The following CGRRF1 variants were observed in gnomAD, a reference collection of about 807,000 sequenced individuals.
The protein encoded by CGRRF1 is cell growth regulator with ring finger domain 1.
Under a neutral mutation model 37.2 loss-of-function variants are expected in CGRRF1, and 32 were observed. That is an observed-to-expected ratio of 0.86 (90% CI 0.65 to 1.16). The LOEUF is 1.16. Among genes scored for constraint, CGRRF1 ranks in the 50% most tolerant of loss-of-function variants. CGRRF1 has a pLI of 0.00. For missense variants in CGRRF1, 391 were observed against 382.6 expected (o/e 1.02, Z -0.18); for synonymous variants, 141 against 140.3 (o/e 1.00, Z -0.04).
intron 1 of CGRRF1, among the ~76,000 whole-genome samples, chr14:54,510,600 C>A (rs896379503): frequency 1.3e-5 from 2 of 152,156 alleles, no homozygotes; most frequent in African/African-American, 4.8e-5. Flanking sequence ...CATTCCACAC[C>A]TTTTGAAGTA....
At chr14:54,514,072 A>G (rs1294928788) in intron 1 of CGRRF1, among the ~76,000 whole-genome samples, 1 of 152,134 alleles carries the variant, frequency 6.6e-6, no homozygotes, top group Admixed American at 6.5e-5. Context: ...AGATCCTGTA[A>G]TAACCTCACC....
At chr14:54,523,539 C>T (rs979362472) in intron 2 of CGRRF1, among the ~76,000 whole-genome samples, 1 of 149,634 alleles carries the variant, frequency 6.7e-6, no homozygotes, top group South Asian at 2.1e-4. Context: ...TTATTCCTTC[C>T]TCCTTTTTTT....
intron 2 of CGRRF1, among the ~76,000 whole-genome samples, chr14:54,526,075 C>A (rs1594652521): frequency 6.6e-6 from 1 of 150,422 alleles, no homozygotes; most frequent in Non-Finnish European, 1.5e-5. Flanking sequence ...CCAGCCTGGG[C>A]AACAGAGTGA....
Position 54,526,441 on chromosome 14 carries a change from G to A in CGRRF1, c.245-3608G>A, listed in dbSNP as rs1305064877. Among the ~76,000 whole-genome samples, 5 of 151,324 alleles carry A rather than the reference G, an allele frequency of 3.3e-5. No homozygotes were observed. The East Asian group carries it at 5.9e-4, about 18-fold the overall frequency. On this transcript the variant is annotated intron_variant, in intron 2 of 5. Coordinates refer to ENST00000216420, the MANE Select transcript of CGRRF1 (RefSeq NM_006568.3). ...TGGGATTACAAGTGTGAGCCACTGC[G>A]CCCTGGCCATATTTTAAAATTTATA...
intron 2 of CGRRF1, among the ~76,000 whole-genome samples, chr14:54,529,738 GT>G (rs1426249611): frequency 2.0e-5 from 3 of 152,090 alleles, no homozygotes; most frequent in South Asian, 2.1e-4. Context: ...CTGTATTTTA[GT>G]TTTAAAAATC....
intron 1 of CGRRF1, among the ~76,000 whole-genome samples, chr14:54,512,084 A>G (rs2032138874): frequency 6.6e-6 from 1 of 152,240 alleles, no homozygotes; most frequent in Non-Finnish European, 1.5e-5. Context: ...ATAGTACCCC[A>G]GTCAGAAGGG....
chr14:54,535,817 G>T (rs2032592681), intron 4 of CGRRF1, among the ~76,000 whole-genome samples: 1 of 152,082 alleles, frequency 6.6e-6, no homozygotes, highest in Admixed American at 6.6e-5. Context: ...GAGACTTCCT[G>T]TCTCTCCCAT....
rs1224623900 is a variant in CGRRF1 at position 54,515,099 on chromosome 14, T to TG, written c.104+5036_104+5037insG. ...ATTGGGTGAGTTTTTTGTTTTTTTT[T>TG]TTTTTTTTGAGACAGAGTCTCGCTC... On this transcript the variant is annotated intron_variant, in intron 1 of 5. Coordinates refer to ENST00000216420, the MANE Select transcript of CGRRF1 (RefSeq NM_006568.3). 4.4e-4 allele frequency among the ~76,000 whole-genome samples: 66 copies of TG among 148,976 alleles called. No individual in the cohort carries two copies. The East Asian group carries it at 0.011, about 25-fold the overall frequency.
intron 1 of CGRRF1, among the ~76,000 whole-genome samples, chr14:54,512,459 A>T: frequency 6.6e-6 from 1 of 152,262 alleles, no homozygotes; most frequent in East Asian, 1.9e-4. Context: ...AGTTTCAAAT[A>T]ATCAGGGACC....
At chr14:54,532,503 A>G (rs751228857) in intron 4 of CGRRF1, among the ~76,000 whole-genome samples, 1 of 152,172 alleles carries the variant, frequency 6.6e-6, no homozygotes, top group African/African-American at 2.4e-5. Context: ...AAGTGGAAGT[A>G]ACTGTGTAAG....
At chr14:54,519,558 A>G (rs1428837880) in intron 1 of CGRRF1, among the ~76,000 whole-genome samples, 1 of 151,978 alleles carries the variant, frequency 6.6e-6, no homozygotes, top group African/African-American at 2.4e-5. Context: ...GCCTAGGACC[A>G]AGTCTTATAA....
At chr14:54,535,094 T>A (rs2032578721) in intron 4 of CGRRF1, among the ~76,000 whole-genome samples, 1 of 152,188 alleles carries the variant, frequency 6.6e-6, no homozygotes, top group South Asian at 2.1e-4. Flanking sequence ...ATAAGTTGCA[T>A]ACGTGATGAT....
chr14:54,529,541 G>A (rs1489005041), intron 2 of CGRRF1, among the ~76,000 whole-genome samples: 1 of 152,164 alleles, frequency 6.6e-6, no homozygotes, highest in Non-Finnish European at 1.5e-5. Flanking sequence ...GTATGTTAAT[G>A]TTGTCAATGT....
chr14:54,519,393 A>G (rs1405120681), intron 1 of CGRRF1, among the ~76,000 whole-genome samples: 1 of 149,466 alleles, frequency 6.7e-6, no homozygotes, highest in Non-Finnish European at 1.5e-5. Flanking sequence ...GTACACCACC[A>G]TGCCCAACTA....
intron 4 of CGRRF1, among the ~76,000 whole-genome samples, chr14:54,534,777 C>T (rs530039336): frequency 6.6e-6 from 1 of 152,274 alleles, no homozygotes; most frequent in African/African-American, 2.4e-5. Context: ...TATAGTGGCA[C>T]AGTCATGGCT....
chr14:54,527,987 C>T (rs886896383), intron 2 of CGRRF1, among the ~76,000 whole-genome samples: 1 of 152,122 alleles, frequency 6.6e-6, no homozygotes, highest in Admixed American at 6.6e-5. Context: ...GTGATCTGCA[C>T]ATCTTGGCCT....
At chr14:54,519,581 G>A (rs768898780) in intron 1 of CGRRF1, among the ~76,000 whole-genome samples, 19 of 152,110 alleles carry the variant, frequency 1.2e-4, no homozygotes, top group Non-Finnish European at 2.4e-4. Flanking sequence ...ACAGTTCTGC[G>A]TATTTTTGTA....
At chr14:54,522,393 A>C (rs1440078994) in intron 1 of CGRRF1, 61 bp from the exon 2 acceptor site, 6 of 1,206,876 alleles carry the variant, frequency 5.0e-6, no homozygotes, top group Non-Finnish European at 6.7e-6. Flanking sequence ...AACAGATTTT[A>C]CACATAACAT....
At position 54,538,585 on chromosome 14, in the gene CGRRF1, T is replaced by C. The variant is rs2032640273; in HGVS notation, c.*202T>C. 1 of 389,022 alleles carries C rather than the reference T, an allele frequency of 2.6e-6. No individual in the cohort carries two copies. Among genetic ancestry groups the C allele is most frequent in the Non-Finnish European group, 4.6e-6 (1 of 219,624 alleles). 24.1% of individuals were successfully genotyped at this position (389,022 alleles called of 1,614,324 possible). A position where few individuals can be genotyped will look rare whatever the true frequency, so the allele number is the denominator to read the frequency against. On this transcript the variant is annotated 3_prime_UTR_variant, in exon 6 of 6. Transcript: ENST00000216420. Reference sequence around the variant, plus strand: ...GAATACTGGAATCCATCTGTGTTGATACATAAAAATTCATTCAACTCTTGA... The same window carrying C: ...GAATACTGGAATCCATCTGTGTTGACACATAAAAATTCATTCAACTCTTGA...
Sources: allele counts gnomAD v4.1 joint callset (sites outside exome capture counted in the v4.1 genomes callset), GRCh38; gene constraint gnomAD v4.1.1; transcripts MANE v1.5; gene names NCBI Gene and HGNC (gene_info 2026-07-23, HGNC 2026-07-21).